Variants in MRC2 observed in about 807,000 individuals in gnomAD.
MRC2 encodes the protein C-type mannose receptor 2.
Under a neutral mutation model 206.2 loss-of-function variants are expected in MRC2, and 84 were observed. That is an observed-to-expected ratio of 0.41 (90% CI 0.34 to 0.49). The LOEUF is 0.49. Among genes scored for constraint, MRC2 ranks in the 20% least tolerant of loss-of-function variants. The pLI, the probability that MRC2 is intolerant of heterozygous loss-of-function variation, is 0.31. For missense variants in MRC2, 1,676 were observed against 2,001.5 expected (o/e 0.84, Z 3.10); for synonymous variants, 798 against 800.0 (o/e 1.00, Z 0.04).
chr17:62,678,472 A>T (rs1222319732), intron 12 of MRC2, 32 bp from the exon 13 acceptor site: 10 of 1,601,146 alleles, frequency 6.2e-6, no homozygotes, highest in Non-Finnish European at 8.5e-6. Flanking sequence ...GCCAGTGGGG[A>T]CAGCTTAGAC....
rs1232193239 is a variant in MRC2 at position 62,689,892 on chromosome 17, A to T, written c.3574-2A>T. 6.3e-7 allele frequency: 1 copy of T among 1,587,630 alleles called. No individual in the cohort carries two copies. Among genetic ancestry groups the T allele is most frequent in the Admixed American group, 1.8e-5 (1 of 54,266 alleles). ...TCCCACCCCATGGCCCCCCATGCCC[A>T]GGGCTCTCGGCGGTACTCCTGGGTC... On this transcript the variant is annotated splice_acceptor_variant, in intron 24 of 29. Transcript: ENST00000303375. LOFTEE classifies it high-confidence loss of function.
At chr17:62,681,402 G>A (rs1196415410) in intron 18 of MRC2, 2 of 547,778 alleles carry the variant, frequency 3.7e-6, no homozygotes, top group South Asian at 4.5e-5. Context: ...GGCAGCTCCT[G>A]TTACGTCTGG....
Position 62,666,901 on chromosome 17 carries a change from C to T in MRC2, c.973+31C>T. On this transcript the variant is annotated intron_variant, in intron 5 of 29. Coordinates refer to ENST00000303375, the MANE Select transcript of MRC2 (RefSeq NM_006039.5). This position sits in a 1 kb window ranked among gnomAD's most constrained non-coding sequence, Gnocchi z 5.0. ...GCACAAGGTTGGGGGCGCAGGGCAGCATAGGGGCCCCGCGGGCTCTTGGCC... is the reference window on the plus strand; with the variant it reads ...GCACAAGGTTGGGGGCGCAGGGCAGTATAGGGGCCCCGCGGGCTCTTGGCC... 5.7e-6 allele frequency: 9 copies of T among 1,586,534 alleles called. No individual in the cohort carries two copies. Among genetic ancestry groups the T allele is most frequent in the Non-Finnish European group, 6.9e-6 (8 of 1,156,734 alleles).
In MRC2 at chr17:62,675,909, C is replaced by T. The variant is rs1351900595; in HGVS notation, c.1685+4C>T. ...AGCTGGTCACCATCACCAACAGGTA[C>T]AGCAGGGGCGGGTGCCCTGACTAGC... is the stretch of plus-strand genomic sequence containing the variant. On this transcript the variant is annotated splice_donor_region_variant and intron_variant, in intron 10 of 29. Coordinates refer to ENST00000303375, the MANE Select transcript of MRC2 (RefSeq NM_006039.5). The surrounding 1 kb of genome is among the most constrained non-coding windows in gnomAD (Gnocchi z 4.1). The T allele has an allele frequency of 6.2e-7, 1 of 1,613,374 alleles. No individual in the cohort carries two copies. Among genetic ancestry groups the T allele is most frequent in the East Asian group, 2.2e-5 (1 of 44,880 alleles).
At chr17:62,665,436 A>T (rs1443804136) in intron 2 of MRC2, among the ~76,000 whole-genome samples, 1 of 151,870 alleles carries the variant, frequency 6.6e-6, no homozygotes, top group Non-Finnish European at 1.5e-5. Context: ...AAAAGAAAAG[A>T]AAAAAGAAAA....
At chr17:62,643,337 AAAAAAAAAAAG>A (rs2088431510) in intron 1 of MRC2, among the ~76,000 whole-genome samples, 3 of 133,910 alleles carry the variant, frequency 2.2e-5, no homozygotes, top group African/African-American at 7.9e-5. Flanking sequence ...CAAAAAAAAA[AAAAAAAAAAAG>A]AAAAAGAAAA....
Position 62,692,784 on chromosome 17 carries a change from G to T in MRC2, c.*333G>T. 1 of 306,572 alleles carries T rather than the reference G, an allele frequency of 3.3e-6. No homozygotes were observed. The highest frequency in any genetic ancestry group is 4.0e-5 in the South Asian group (1 of 24,792). 19.0% of individuals were successfully genotyped at this position (306,572 alleles called of 1,614,324 possible). On this transcript the variant is annotated 3_prime_UTR_variant, in exon 30 of 30. Coordinates refer to ENST00000303375, the MANE Select transcript of MRC2 (RefSeq NM_006039.5). The surrounding 1 kb of genome is among the most constrained non-coding windows in gnomAD (Gnocchi z 4.2). The stretch of plus-strand genomic sequence containing the variant: ...TCCCCAGAGCCCCCGGCCCAGGCCT[G>T]TTGATCCGCGCCCCAGGACCCCCTT...
intron 1 of MRC2, among the ~76,000 whole-genome samples, chr17:62,631,157 A>G (rs961191872): frequency 2.0e-5 from 3 of 152,268 alleles, no homozygotes; most frequent in Admixed American, 6.5e-5. Context: ...TGCAGTTCTC[A>G]GGCAGATATT....
chr17:62,646,303 C>T (rs1001865051), intron 1 of MRC2, among the ~76,000 whole-genome samples: 3 of 151,912 alleles, frequency 2.0e-5, no homozygotes, highest in Non-Finnish European at 2.9e-5. Context: ...GGATTACAGG[C>T]GTGAGCCACC....
At chr17:62,650,837 A>G (rs1174828577) in intron 1 of MRC2, among the ~76,000 whole-genome samples, 1 of 152,132 alleles carries the variant, frequency 6.6e-6, no homozygotes, top group Non-Finnish European at 1.5e-5. Flanking sequence ...TGTAATGATC[A>G]CTAACTTGCC....
Position 62,680,904 on chromosome 17 carries a change from C to A in MRC2, c.2578C>A (p.Leu860Met). Residue 860 changes from leucine (L) to methionine (M), a missense_variant, in exon 17 of 30, where the codon CTG (leucine) becomes ATG (methionine). By Grantham distance (15) the Leu-to-Met change is conservative. Around this residue, in one of 3 missense-constraint regions of MRC2, gnomAD observed 1,354 missense variants for 1,636.6 expected, o/e 0.83. Coordinates refer to ENST00000303375, the MANE Select transcript of MRC2 (RefSeq NM_006039.5). This position sits in a 1 kb window ranked among gnomAD's most constrained non-coding sequence, Gnocchi z 4.8. ...CATCTGCACGTGGTTCCAGGCCGAG[C>A]TGACCTCGGTGCACAGCCAGGCGGA... ...QRICTWFQAE[L>M]TSVHSQAELD... The A allele has an allele frequency of 6.2e-7, 1 of 1,613,220 alleles. No individual in the cohort carries two copies. Among genetic ancestry groups the A allele is most frequent in the Non-Finnish European group, 8.5e-7 (1 of 1,179,950 alleles).
Position 62,664,528 on chromosome 17 carries a change from T to C in MRC2, c.119-20T>C. On this transcript the variant is annotated intron_variant, in intron 1 of 29. Transcript: ENST00000303375. This position sits in a 1 kb window ranked among gnomAD's most constrained non-coding sequence, Gnocchi z 4.7. ...CAGGAGAGCCCCTGTGATGCCTTCG[T>C]GTCTTGCCTTCCCTTCCAGAACCCA... The C allele has an allele frequency of 6.3e-7, 1 of 1,592,008 alleles. No individual in the cohort carries two copies. Among genetic ancestry groups the C allele is most frequent in the Non-Finnish European group, 8.6e-7 (1 of 1,169,392 alleles).
At chr17:62,673,502 CT>C (rs2088851997) in intron 8 of MRC2, among the ~76,000 whole-genome samples, 1 of 135,194 alleles carries the variant, frequency 7.4e-6, no homozygotes, top group Admixed American at 8.1e-5. Context: ...AAAAGGACGC[CT>C]TTCCTTTTTT....
rs751101343 is a variant in MRC2, at chr17:62,692,153, A to C, written c.4219+15A>C. The C allele has an allele frequency of 6.2e-7, 1 of 1,614,202 alleles. No homozygotes were observed. ...CTCCCCATCAGGTGAGTGAAAGGCA[A>C]TGCCCCCAGGTGGGCAGGCAGGAAG... On this transcript the variant is annotated intron_variant, in intron 29 of 29. Transcript: ENST00000303375. The surrounding 1 kb of genome is among the most constrained non-coding windows in gnomAD (Gnocchi z 4.2).
intron 1 of MRC2, among the ~76,000 whole-genome samples, chr17:62,629,641 AG>A (rs1226171674): frequency 6.6e-6 from 1 of 152,198 alleles, no homozygotes; most frequent in African/African-American, 2.4e-5. Context: ...CTCTGCACAG[AG>A]TGCGCTTGCC....
intron 1 of MRC2, among the ~76,000 whole-genome samples, chr17:62,658,689 C>G (rs2088646323): frequency 6.6e-6 from 1 of 152,202 alleles, no homozygotes; most frequent in Non-Finnish European, 1.5e-5. Flanking sequence ...CTATTGTGGG[C>G]TCACGTGAAG....
At chr17:62,669,723 A>AT (rs1169016667) in intron 6 of MRC2, among the ~76,000 whole-genome samples, 3 of 146,264 alleles carry the variant, frequency 2.1e-5, no homozygotes, top group Non-Finnish European at 3.0e-5. Context: ...CGCCCGGCTA[A>AT]TTTTTTTGTA....
At chr17:62,677,585 C>CA (rs2088910084) in intron 12 of MRC2, 99 bp downstream of exon 12, 1 of 1,090,958 alleles carries the variant, frequency 9.2e-7, no homozygotes, top group Non-Finnish European at 1.3e-6. Flanking sequence ...AATCCAGAGA[C>CA]ACACCAGGCT....
chr17:62,683,240 G>A (rs930066768), intron 20 of MRC2, among the ~76,000 whole-genome samples: 1 of 150,868 alleles, frequency 6.6e-6, no homozygotes, highest in Non-Finnish European at 1.5e-5. Context: ...AGGCTGAGGC[G>A]GGTGAATCAC....
Sources: allele counts gnomAD v4.1 joint callset (sites outside exome capture counted in the v4.1 genomes callset), GRCh38; gene constraint gnomAD v4.1.1; regional missense constraint gnomAD v4.1.1; non-coding constraint Gnocchi (gnomAD v3.1); transcripts MANE v1.5; gene names NCBI Gene and HGNC (gene_info 2026-07-23, HGNC 2026-07-21).